ADRA1A: variants seen among roughly 807,000 people sequenced by gnomAD.
ADRA1A encodes adrenoceptor alpha 1A.
Under a neutral mutation model 29.6 loss-of-function variants are expected in ADRA1A, and 31 were observed. The ratio of observed to expected loss-of-function variants is 1.05; its 90% CI spans 0.79 to 1.41. ADRA1A has a LOEUF of 1.41. Among genes scored for constraint, ADRA1A ranks in the 40% most tolerant of loss-of-function variants. The pLI, the probability that ADRA1A is intolerant of heterozygous loss-of-function variation, is 0.00. For missense variants in ADRA1A, 619 were observed against 601.1 expected, an observed-to-expected ratio of 1.03 and a Z score of -0.31; for synonymous variants, 311 against 254.3, an observed-to-expected ratio of 1.22 and a Z score of -2.12.
intron 2 of ADRA1A, among the ~76,000 whole-genome samples, chr8:26,776,625 A>G (rs1056737043): frequency 1.3e-5 from 2 of 152,202 alleles, no homozygotes; most frequent in African/African-American, 4.8e-5. Flanking sequence ...CCCTACGATG[A>G]CATGGAAGTG....
downstream of ADRA1A, chr8:26,766,248 T>C (rs1453142926): frequency 1.4e-5 from 12 of 855,260 alleles, no homozygotes; most frequent in Non-Finnish European, 2.1e-5. Context: ...TTCCCAAAAG[T>C]GTTTCTATGA....
At chr8:26,752,708 T>C (rs1352125325), downstream of ADRA1A, among the ~76,000 whole-genome samples, 1 of 152,120 alleles carries the variant, frequency 6.6e-6, no homozygotes, top group Non-Finnish European at 1.5e-5. Flanking sequence ...GGACTTTGGG[T>C]GGAAAATAAT....
At chr8:26,843,085 C>T (rs1811947596) in intron 2 of ADRA1A, among the ~76,000 whole-genome samples, 1 of 152,204 alleles carries the variant, frequency 6.6e-6, no homozygotes. Context: ...CATATCTCCC[C>T]TCTGGATTCC....
intron 2 of ADRA1A, among the ~76,000 whole-genome samples, chr8:26,839,215 G>A (rs1196894244): frequency 6.8e-6 from 1 of 146,924 alleles, no homozygotes; most frequent in Non-Finnish European, 1.5e-5. Context: ...CTGGAGTGCA[G>A]TGGTGCAATC....
At chr8:26,764,030 T>C (rs1805645342), downstream of ADRA1A, among the ~76,000 whole-genome samples, 1 of 152,172 alleles carries the variant, frequency 6.6e-6, no homozygotes, top group African/African-American at 2.4e-5. Context: ...AATGCATTCT[T>C]GACTTTGAAA....
chr8:26,782,205 C>G (rs1222728983), intron 2 of ADRA1A, among the ~76,000 whole-genome samples: 2 of 152,242 alleles, frequency 1.3e-5, no homozygotes, highest in Non-Finnish European at 2.9e-5. Flanking sequence ...GGTCTCTGCT[C>G]TTTCTCCCCA....
At position 26,865,505 on chromosome 8, in the gene ADRA1A, G is replaced by T; in HGVS notation, c.-536C>A. The T allele has an allele frequency of 1.0e-6, 1 of 958,680 alleles. No homozygotes were observed. Among genetic ancestry groups the T allele is most frequent in the Non-Finnish European group, 1.2e-6 (1 of 811,678 alleles). The allele number at this position is 958,680 out of a possible 1,614,324, so 59.4% of individuals were successfully genotyped here. ...GGTAGCGCAGCGCTACAGGTTGGGC[G>T]CTGCTCCTGGCCCGCAGTTACCTAC... On this transcript the variant is annotated 5_prime_UTR_variant, in exon 2 of 3. Coordinates refer to ENST00000380573, the MANE Select transcript of ADRA1A (RefSeq NM_000680.4). The surrounding 1 kb of genome is among the most constrained non-coding windows in gnomAD (Gnocchi z 7.6).
rs1471082507 is a variant in ADRA1A, at chr8:26,796,772, G to A, written c.884-26106C>T. 6.6e-6 allele frequency among the ~76,000 whole-genome samples: 1 copy of A among 152,124 alleles called. No homozygotes were observed. The highest frequency in any genetic ancestry group is 2.4e-5 in the African/African-American group (1 of 41,424). On this transcript the variant is annotated intron_variant, in intron 2 of 2. Transcript: ENST00000380573. The surrounding 1 kb of genome is among the most constrained non-coding windows in gnomAD (Gnocchi z 5.0). Reference sequence around the variant, plus strand: ...AGGGACACCCCTGAAATCGGGCACAGGCACATAGATTTGATACCATGATTA... The same window carrying A: ...AGGGACACCCCTGAAATCGGGCACAAGCACATAGATTTGATACCATGATTA...
At position 26,864,916 on chromosome 8, in the gene ADRA1A, C is replaced by T; in HGVS notation, c.54G>A (p.Pro18=). ...ASDSSNCTQP[P]APVNISKAIL... ...TGGCCTTGGAAATGTTCACCGGTGC[C>T]GGCGGTTGGGTGCAGTTGGAGCTGT... The change falls in exon 2 of 3, where the codon CCG becomes CCA. Residue 18 remains proline, a synonymous_variant. Coordinates refer to ENST00000380573, the MANE Select transcript of ADRA1A (RefSeq NM_000680.4). The surrounding 1 kb of genome is among the most constrained non-coding windows in gnomAD (Gnocchi z 8.1). 1 of 1,613,490 alleles carries T rather than the reference C, an allele frequency of 6.2e-7. No homozygotes were observed. Among genetic ancestry groups the T allele is most frequent in the Non-Finnish European group, 8.5e-7 (1 of 1,179,986 alleles).
chr8:26,791,438 G>T (rs1281738115), intron 2 of ADRA1A, among the ~76,000 whole-genome samples: 1 of 152,144 alleles, frequency 6.6e-6, no homozygotes, highest in South Asian at 2.1e-4. Flanking sequence ...GCAGTGAAAA[G>T]TAATGACAGT....
chr8:26,826,219 A>ATGAGTGAT (rs1810551531), intron 2 of ADRA1A, among the ~76,000 whole-genome samples: 1 of 152,230 alleles, frequency 6.6e-6, no homozygotes, highest in South Asian at 2.1e-4. Context: ...TGAAAGTCTC[A>ATGAGTGAT]TGAGTGATCT....
At chr8:26,785,169 AG>A (rs774054334) in intron 2 of ADRA1A, among the ~76,000 whole-genome samples, 1 of 152,188 alleles carries the variant, frequency 6.6e-6, no homozygotes, top group African/African-American at 2.4e-5. Flanking sequence ...GTACATTAGA[AG>A]CATTTTAAGG....
intron 2 of ADRA1A, among the ~76,000 whole-genome samples, chr8:26,790,743 T>C (rs1332417043): frequency 6.6e-6 from 1 of 152,144 alleles, no homozygotes; most frequent in Non-Finnish European, 1.5e-5. Context: ...GGTTATTTTG[T>C]GTCAATTAAA....
chr8:26,764,421 A>G (rs1191152875), downstream of ADRA1A, among the ~76,000 whole-genome samples: 1 of 152,162 alleles, frequency 6.6e-6, no homozygotes, highest in Admixed American at 6.5e-5. Context: ...TAGAACAGTG[A>G]CATGCTGCCC....
At position 26,860,117 on chromosome 8, in the gene ADRA1A, C is replaced by A. The variant is rs191240999; in HGVS notation, c.883+3970G>T. ...AGTGATTCCGAGGGCTCCTGTCTAC[C>A]ACCACTTCTCTCCACCACAACATCT... On this transcript the variant is annotated intron_variant, in intron 2 of 2. Coordinates refer to ENST00000380573, the MANE Select transcript of ADRA1A (RefSeq NM_000680.4). This position sits in a 1 kb window ranked among gnomAD's most constrained non-coding sequence, Gnocchi z 4.7. 2.8e-3 allele frequency among the ~76,000 whole-genome samples: 422 copies of A among 152,204 alleles called. 1 individual carries two copies. The highest frequency in any genetic ancestry group is 4.8e-3 in the Admixed American group (74 of 15,290).
At chr8:26,850,025 C>CAAAAAAAAAACAACAAAAAACA (rs141672591) in intron 2 of ADRA1A, among the ~76,000 whole-genome samples, 7,907 of 121,412 alleles carry the variant, frequency 0.065, 317 homozygotes, top group Non-Finnish European at 0.081. Context: ...GAGAGAAATG[C>CAAAAAAAAAACAACAAAAAACA]AAAAACAAAA....
intron 2 of ADRA1A, among the ~76,000 whole-genome samples, chr8:26,822,919 C>A (rs1810282528): frequency 6.6e-6 from 1 of 152,176 alleles, no homozygotes; most frequent in South Asian, 2.1e-4. Flanking sequence ...CATGACAGCT[C>A]ACTATCATGA....
At chr8:26,768,797 A>G (rs1430410381), downstream of ADRA1A, 3 of 648,426 alleles carry the variant, frequency 4.6e-6, no homozygotes, top group Non-Finnish European at 5.7e-6. Flanking sequence ...CAGAAAAGAG[A>G]TACACAAGTT....
intron 2 of ADRA1A, among the ~76,000 whole-genome samples, chr8:26,758,768 A>ACAGGAGAACAC (rs1407220257): frequency 6.6e-6 from 1 of 152,216 alleles, no homozygotes; most frequent in Admixed American, 6.5e-5. Context: ...AGAGGTGAGC[A>ACAGGAGAACAC]CAGGAGAACA....
Sources: allele counts gnomAD v4.1 joint callset (sites outside exome capture counted in the v4.1 genomes callset), GRCh38; gene constraint gnomAD v4.1.1; non-coding constraint Gnocchi (gnomAD v3.1); transcripts MANE v1.5; gene names NCBI Gene and HGNC (gene_info 2026-07-23, HGNC 2026-07-21).